The following FOCAD variants were observed in gnomAD, a reference collection of about 807,000 sequenced individuals.
The protein encoded by FOCAD is KIAA1797.
A neutral mutation model predicts 225.6 loss-of-function variants in FOCAD; 198 were observed. That is an observed-to-expected ratio of 0.88 (90% CI 0.78 to 0.99). FOCAD has a LOEUF of 0.99. Among genes scored for constraint, FOCAD ranks in the 50% least tolerant of loss-of-function variants. The pLI is 0.00. For synonymous variants in FOCAD, 897 were observed against 755.0 expected, an observed-to-expected ratio of 1.19 and a Z score of -3.08; for missense variants, 2,713 against 2,123.6, an observed-to-expected ratio of 1.28 and a Z score of -5.46.
chr9:20,927,674 G>C (rs1835086331), intron 26 of FOCAD: 1 of 152,050 alleles, frequency 6.6e-6, no homozygotes, highest in African/African-American at 2.4e-5. Context: ...TGTCTTTGTA[G>C]AAGTATTTTG....
intron 11 of FOCAD, among the ~76,000 whole-genome samples, chr9:20,803,997 G>T (rs1202166198): frequency 1.3e-5 from 2 of 152,152 alleles, no homozygotes; most frequent in Non-Finnish European, 2.9e-5. Context: ...GTGGGAGTAA[G>T]ACATGTGGAG....
chr9:20,955,975 G>A (rs979448077), intron 35 of FOCAD, among the ~76,000 whole-genome samples: 1 of 152,074 alleles, frequency 6.6e-6, no homozygotes, highest in African/African-American at 2.4e-5. Context: ...CACTTTCTAA[G>A]CTTATATTTT....
rs762815951 is a variant in FOCAD at position 20,982,312 on chromosome 9, T to A, written c.4639-45T>A. 18 of 1,343,660 alleles carry A rather than the reference T, an allele frequency of 1.3e-5. No individual in the cohort carries two copies. In the East Asian group the frequency reaches 4.2e-4, roughly 31 times the overall value. 83.2% of individuals were successfully genotyped at this position (1,343,660 alleles called of 1,614,324 possible). A position where few individuals can be genotyped will look rare whatever the true frequency, so the allele number is the denominator to read the frequency against. On this transcript the variant is annotated intron_variant, in intron 38 of 43. Coordinates refer to ENST00000338382, the MANE Select transcript of FOCAD (RefSeq NM_001375567.1). ...AATTTGTCAGAACATTTTGACCTGT[T>A]ATTTTACACTGTTTGTTGACATGTT...
upstream of FOCAD, among the ~76,000 whole-genome samples, chr9:20,683,149 A>G (rs1822456488): frequency 6.6e-6 from 1 of 152,146 alleles, no homozygotes; most frequent in Non-Finnish European, 1.5e-5. Context: ...ATACATAATT[A>G]CTTTTCTGAG....
At chr9:20,883,818 G>A (rs746943091) in intron 20 of FOCAD, among the ~76,000 whole-genome samples, 1 of 151,962 alleles carries the variant, frequency 6.6e-6, no homozygotes, top group African/African-American at 2.4e-5. Context: ...AGAAAAGAAA[G>A]GAAAATAATC....
At chr9:20,687,507 C>T (rs1822737176) in intron 1 of FOCAD, among the ~76,000 whole-genome samples, 1 of 152,120 alleles carries the variant, frequency 6.6e-6, no homozygotes, top group South Asian at 2.1e-4. Context: ...ATAATTTATT[C>T]TTAAGTTCTA....
At chr9:20,938,881 A>G (rs1178391815) in intron 28 of FOCAD, among the ~76,000 whole-genome samples, 3 of 152,028 alleles carry the variant, frequency 2.0e-5, no homozygotes, top group Non-Finnish European at 4.4e-5. Context: ...TAAAAAGAAT[A>G]TAAATGTATT....
At chr9:20,909,318 C>T (rs1833243002) in intron 22 of FOCAD, among the ~76,000 whole-genome samples, 1 of 151,952 alleles carries the variant, frequency 6.6e-6, no homozygotes, top group African/African-American at 2.4e-5. Flanking sequence ...GAAAGCAAAG[C>T]AAACAGCTCA....
At chr9:20,949,878 T>A (rs1230325918) in intron 33 of FOCAD, among the ~76,000 whole-genome samples, 1 of 152,110 alleles carries the variant, frequency 6.6e-6, no homozygotes, top group Non-Finnish European at 1.5e-5. Context: ...AAAAGAAAGC[T>A]GGCATTTTTT....
At position 20,789,836 on chromosome 9, in the gene FOCAD, C is replaced by T. The variant is rs140185338; in HGVS notation, c.1455+228C>T. Among the ~76,000 whole-genome samples the T allele has an allele frequency of 8.8e-4, 133 of 151,752 alleles. 1 individual carries two copies. The East Asian group carries it at 0.023, about 26-fold the overall frequency. The stretch of plus-strand genomic sequence containing the variant: ...TTTTAAATGAAAGCACACTTCACAA[C>T]GAAATCTGCACATGGTGCTATTCTG... On this transcript the variant is annotated intron_variant, in intron 11 of 43. Transcript: ENST00000338382.
At chr9:20,776,283 G>A (rs1020267927) in intron 8 of FOCAD, among the ~76,000 whole-genome samples, 1 of 152,168 alleles carries the variant, frequency 6.6e-6, no homozygotes, top group African/African-American at 2.4e-5. Flanking sequence ...CGCTATTCTG[G>A]GGCAGGGAGC....
rs562493845 is a variant in FOCAD at position 20,879,917 on chromosome 9, C to T, written c.2318-1954C>T. On this transcript the variant is annotated intron_variant, in intron 19 of 43. Transcript: ENST00000338382. ...TATGTTCTTGCCCCTTGACATGTTT[C>T]ACCTTTTGCCAGAATAGGATCCTTC... Among the ~76,000 whole-genome samples the T allele has an allele frequency of 1.1e-4, 17 of 152,296 alleles. No homozygotes were observed. In the South Asian group the frequency reaches 3.3e-3, roughly 30 times the overall value.
chr9:20,981,946 T>A (rs982641439), intron 38 of FOCAD, among the ~76,000 whole-genome samples: 4 of 152,194 alleles, frequency 2.6e-5, no homozygotes, highest in Admixed American at 1.3e-4. Flanking sequence ...TTTTACCAAA[T>A]GCCTCTTGTA....
chr9:20,662,931 T>A (rs1821778028), intron 2 of FOCAD, among the ~76,000 whole-genome samples: 1 of 152,224 alleles, frequency 6.6e-6, no homozygotes, highest in Non-Finnish European at 1.5e-5. Flanking sequence ...AATAGAAAAT[T>A]ATTTGTATCC....
chr9:20,826,373 C>A (rs1433119766), intron 15 of FOCAD, among the ~76,000 whole-genome samples: 1 of 152,084 alleles, frequency 6.6e-6, no homozygotes, highest in African/African-American at 2.4e-5. Context: ...ACATCAGACT[C>A]CAAGTTCTTC....
chr9:20,739,987 A>G (rs897259623), intron 4 of FOCAD, among the ~76,000 whole-genome samples: 2 of 151,854 alleles, frequency 1.3e-5, no homozygotes, highest in African/African-American at 4.8e-5. Flanking sequence ...TTCCTGATTG[A>G]TTTTCCCCCA....
At chr9:20,672,612 A>G (rs1822101246) in intron 2 of FOCAD, among the ~76,000 whole-genome samples, 1 of 152,132 alleles carries the variant, frequency 6.6e-6, no homozygotes, top group African/African-American at 2.4e-5. Context: ...CACCACGCCC[A>G]GCTAATTTTT....
chr9:20,930,471 A>G (rs1429180855), intron 27 of FOCAD, among the ~76,000 whole-genome samples: 1 of 152,154 alleles, frequency 6.6e-6, no homozygotes, highest in Non-Finnish European at 1.5e-5. Flanking sequence ...TTCTGTTGTG[A>G]TATTAGATTC....
chr9:20,845,442 G>GCTATATATATATAT (rs1554703844), intron 15 of FOCAD, among the ~76,000 whole-genome samples: 1 of 121,236 alleles, frequency 8.2e-6, no homozygotes, highest in Non-Finnish European at 1.7e-5. Context: ...TCTTTTCCTC[G>GCTATATATATATAT]ATATATATAT....
Sources: allele counts gnomAD v4.1 joint callset (sites outside exome capture counted in the v4.1 genomes callset), GRCh38; gene constraint gnomAD v4.1.1; transcripts MANE v1.5; gene names NCBI Gene and HGNC (gene_info 2026-07-23, HGNC 2026-07-21).